MRPL33: variants seen among roughly 807,000 people sequenced by gnomAD.
The protein encoded by MRPL33 is large ribosomal subunit protein bL33m.
A neutral mutation model predicts 10.1 loss-of-function variants in MRPL33; 5 were observed. The observed-to-expected ratio is 0.49, with a 90% CI of 0.26 to 1.04. The LOEUF (loss-of-function observed/expected upper bound fraction) is 1.04, where lower values mean the gene tolerates loss of function less well. MRPL33 is among the 50% of genes least tolerant of loss of function. The probability of loss-of-function intolerance (pLI) is 0.14; values close to 1 mark genes in which losing one functional copy is unlikely to be tolerated. For synonymous variants in MRPL33, 24 were observed against 27.7 expected, an observed-to-expected ratio of 0.87 and a Z score of 0.42; for missense variants, 79 against 78.1, an observed-to-expected ratio of 1.01 and a Z score of -0.04.
intron 3 of MRPL33, among the ~76,000 whole-genome samples, chr2:27,777,134 C>T (rs1677191637): frequency 6.6e-6 from 1 of 152,248 alleles, no homozygotes; most frequent in African/African-American, 2.4e-5. Flanking sequence ...CCCACCTTGG[C>T]TGCCCAGAGT....
At chr2:27,772,010 G>GC in intron 1 of MRPL33, 1 of 557,112 alleles carries the variant, frequency 1.8e-6, no homozygotes. Flanking sequence ...GGGGTCTGCG[G>GC]TGTCTGGATT....
Position 27,779,566 on chromosome 2 carries a change from AAAG to A in MRPL33, c.*89_*91del. On this transcript the variant is annotated 3_prime_UTR_variant, in exon 4 of 4. Coordinates refer to ENST00000296102, the MANE Select transcript of MRPL33 (RefSeq NM_004891.4). ...TTCAGAAATCCTGTAGCGTGTAATA[AAAG>A]AAGAGGAAATGGCATGGAATCACTG... The A allele has an allele frequency of 1.3e-6, 2 of 1,593,008 alleles. No homozygotes were observed. The highest frequency in any genetic ancestry group is 1.2e-5 in the South Asian group (1 of 86,238).
chr2:27,776,121 C>T (rs115452204), intron 3 of MRPL33, among the ~76,000 whole-genome samples: 253 of 152,358 alleles, frequency 1.7e-3, no homozygotes, highest in African/African-American at 5.7e-3. Flanking sequence ...GGAAAGGATA[C>T]AGCCATAAAC....
intron 3 of MRPL33, among the ~76,000 whole-genome samples, chr2:27,775,455 G>C (rs1251906580): frequency 6.7e-6 from 1 of 149,652 alleles, no homozygotes. Flanking sequence ...GGGTTCAAGT[G>C]ATTCTCCTGC....
At chr2:27,772,083 G>C (rs933223021) in intron 1 of MRPL33, 3 of 435,804 alleles carry the variant, frequency 6.9e-6, no homozygotes, top group Non-Finnish European at 1.2e-5. Flanking sequence ...GCCCGTGTTA[G>C]GAGAATCTTT....
chr2:27,775,703 A>G (rs1677138225), intron 3 of MRPL33, among the ~76,000 whole-genome samples: 2 of 152,280 alleles, frequency 1.3e-5, no homozygotes, highest in South Asian at 4.1e-4. Context: ...ACATTTTTTA[A>G]AGGCTCCAAG....
rs748165176 is a variant in MRPL33, at chr2:27,774,399, A to G, written c.42-25A>G. The G allele has an allele frequency of 1.1e-5, 18 of 1,592,610 alleles. No homozygotes were observed. The African/African-American group carries it at 1.2e-4, about 11-fold the overall frequency. ...TTTAGTTTATTTCGTCAGCTCGTAC[A>G]TAACAGCGTACTTTTTAATCTTAGA... On this transcript the variant is annotated intron_variant, in intron 2 of 3. Coordinates refer to ENST00000296102, the MANE Select transcript of MRPL33 (RefSeq NM_004891.4).
chr2:27,773,394 C>G (rs1482358990), intron 2 of MRPL33, among the ~76,000 whole-genome samples: 2 of 152,234 alleles, frequency 1.3e-5, no homozygotes, highest in Non-Finnish European at 2.9e-5. Context: ...TTCAGTGATT[C>G]ACGTAGCTTT....
intron 3 of MRPL33, among the ~76,000 whole-genome samples, chr2:27,774,779 CT>C (rs1368403687): frequency 6.6e-6 from 1 of 152,134 alleles, no homozygotes; most frequent in African/African-American, 2.4e-5. Context: ...ATTATAAGTG[CT>C]GTGAGAGAAA....
chr2:27,779,211 C>T (rs1677230168), intron 3 of MRPL33, among the ~76,000 whole-genome samples: 2 of 152,096 alleles, frequency 1.3e-5, no homozygotes, highest in South Asian at 2.1e-4. Flanking sequence ...TTGTGGCATA[C>T]CAAGGATGCT....
At chr2:27,774,917 T>G (rs1019046841) in intron 3 of MRPL33, among the ~76,000 whole-genome samples, 1 of 152,118 alleles carries the variant, frequency 6.6e-6, no homozygotes, top group Non-Finnish European at 1.5e-5. Flanking sequence ...AGAAACCAGC[T>G]ATGTAAAGAG....
At chr2:27,772,910 C>T (rs1177606589) in intron 2 of MRPL33, 1 of 526,008 alleles carries the variant, frequency 1.9e-6, no homozygotes, top group Non-Finnish European at 3.3e-6. Context: ...CATTGAAATA[C>T]TTGAAGGAAC....
intron 3 of MRPL33, among the ~76,000 whole-genome samples, chr2:27,777,059 T>G (rs1475010242): frequency 6.6e-6 from 1 of 152,244 alleles, no homozygotes; most frequent in South Asian, 2.1e-4. Context: ...TATTTAATTT[T>G]TTAAAATAGA....
At position 27,774,448 on chromosome 2, in the gene MRPL33, C is replaced by A; in HGVS notation, c.66C>A (p.Ser22Arg). The change falls in exon 3 of 4, where the codon AGC (serine) becomes AGA (arginine). Residue 22 changes from serine (S) to arginine (R), a missense_variant. Coordinates refer to ENST00000296102, the MANE Select transcript of MRPL33 (RefSeq NM_004891.4). The part of the protein sequence containing the change: ...KSKNILVRMV[S>R]EAGTGFCFNT... Reference sequence around the variant, plus strand: ...GAAACATTCTGGTGAGAATGGTGAGCGAAGCTGGGACAGGTTTCTGCTTCA... The same window carrying A: ...GAAACATTCTGGTGAGAATGGTGAGAGAAGCTGGGACAGGTTTCTGCTTCA... The A allele has an allele frequency of 1.2e-6, 2 of 1,613,932 alleles. No individual in the cohort carries two copies. Among genetic ancestry groups the A allele is most frequent in the South Asian group, 2.2e-5 (2 of 91,074 alleles).
chr2:27,771,877 C>CG (rs751162182), intron 1 of MRPL33, 78 bp downstream of exon 1: 1 of 1,424,660 alleles, frequency 7.0e-7, no homozygotes. Flanking sequence ...CGGAATGATG[C>CG]GGGGAAGGAT....
intron 1 of MRPL33, 154 bp downstream of exon 1, chr2:27,771,953 A>G: frequency 1.2e-6 from 1 of 813,250 alleles, no homozygotes; most frequent in Non-Finnish European, 1.9e-6. Flanking sequence ...AGCGTCCGGC[A>G]TGCCCCGCGG....
chr2:27,774,607 G>A, intron 3 of MRPL33, 77 bp downstream of exon 3: 1 of 1,139,544 alleles, frequency 8.8e-7, no homozygotes, highest in Non-Finnish European at 1.3e-6. Flanking sequence ...CTCTGGAGGT[G>A]TTTTTTTAGC....
chr2:27,773,813 GAAATA>G (rs1342975328), intron 2 of MRPL33, among the ~76,000 whole-genome samples: 1 of 152,258 alleles, frequency 6.6e-6, no homozygotes, highest in East Asian at 1.9e-4. Flanking sequence ...AATTACATGA[GAAATA>G]AAATAACATG....
intron 3 of MRPL33, among the ~76,000 whole-genome samples, chr2:27,775,433 C>T (rs1461664712): frequency 1.4e-5 from 2 of 145,618 alleles, no homozygotes; most frequent in African/African-American, 5.1e-5. Context: ...CTCACTGCAA[C>T]CTCTGCCTCC....
Sources: gnomAD v4.1 joint callset for allele counts (sites outside exome capture counted in the v4.1 genomes callset) on GRCh38, gnomAD v4.1.1 for gene constraint, MANE v1.5 for transcripts, NCBI Gene and HGNC (gene_info 2026-07-23, HGNC 2026-07-21) for gene names.